Variants in COX11 observed in about 807,000 individuals in gnomAD.
COX11 encodes the protein cytochrome c oxidase assembly protein COX11, mitochondrial.
A neutral mutation model predicts 29.4 loss-of-function variants in COX11; 18 were observed. That is an observed-to-expected ratio of 0.61 (90% confidence interval 0.42 to 0.91). COX11 has a LOEUF of 0.91. COX11 is among the 40% of genes least tolerant of loss of function. The pLI is 0.00. For missense variants in COX11, 312 were observed against 346.0 expected (o/e 0.90, Z 0.78); for synonymous variants, 131 against 124.0 (o/e 1.06, Z -0.38).
At position 54,964,833 on chromosome 17, in the gene COX11, G is replaced by A. The variant is rs1196657186; in HGVS notation, c.386C>T (p.Ser129Leu). The A allele has an allele frequency of 6.2e-7, 1 of 1,612,818 alleles. No individual in the cohort carries two copies. The highest frequency in any genetic ancestry group is 1.3e-5 in the African/African-American group (1 of 74,900). The change falls in exon 2 of 4, where the codon TCA becomes TTA. Residue 129 changes from serine (S) to leucine (L), a missense_variant. Physicochemically the swap from Ser to Leu is moderately radical, Grantham distance 145 (BLOSUM62 -2). This residue lies in a region of COX11 where 182 missense variants were observed against 240.0 expected (regional missense o/e 0.76). Coordinates refer to ENST00000299335, the MANE Select transcript of COX11 (RefSeq NM_004375.5). Reference protein sequence around the residue: ...LYCQTTGLGGSAVAGHASDKI... With the variant: ...LYCQTTGLGGLAVAGHASDKI... ...GTCTGAGGCATGACCTGCAACTGCT[G>A]ATCCTCCAAGTCCAGTAGTCTAGAA...
chr17:54,967,572 C>T (rs2077265027), intron 1 of COX11, among the ~76,000 whole-genome samples: 1 of 152,038 alleles, frequency 6.6e-6, no homozygotes, highest in Non-Finnish European at 1.5e-5. Context: ...GTGCTGGTCC[C>T]ACTCCCCTTC....
exon 1 of COX11, chr17:54,952,106 T>C (rs1259544027): frequency 1.3e-5 from 2 of 152,176 alleles, no homozygotes; most frequent in Non-Finnish European, 2.9e-5. Context: ...GTTGAAATTT[T>C]TCTAATCTGG....
At position 54,960,558 on chromosome 17, in the gene COX11, T is replaced by C; in HGVS notation, c.*2175A>G. The C allele has an allele frequency of 1.2e-6, 2 of 1,612,180 alleles. No homozygotes were observed. Among genetic ancestry groups the C allele is most frequent in the Non-Finnish European group, 1.7e-6 (2 of 1,178,844 alleles). On this transcript the variant is annotated 3_prime_UTR_variant, in exon 4 of 4. Coordinates refer to ENST00000299335, the MANE Select transcript of COX11 (RefSeq NM_004375.5). ...CATAACCCTTTTGCTGTGATGGCTT[T>C]GTTTCAGAGCTATTTATGAAGAAAT...
At chr17:54,966,587 T>C (rs1003484477) in intron 1 of COX11, among the ~76,000 whole-genome samples, 2 of 152,166 alleles carry the variant, frequency 1.3e-5, no homozygotes, top group African/African-American at 4.8e-5. Context: ...CACCTCCATG[T>C]TGTGACAACC....
intron 1 of COX11, 50 bp from the exon 2 acceptor site, chr17:54,964,902 T>A: frequency 6.4e-7 from 1 of 1,550,424 alleles, no homozygotes; most frequent in Non-Finnish European, 8.8e-7. Context: ...GTGTTGATGA[T>A]CTATTTATTT....
chr17:54,964,374 CA>C (rs1383302453), intron 2 of COX11: 2 of 240,474 alleles, frequency 8.3e-6, no homozygotes, highest in African/African-American at 4.7e-5. Flanking sequence ...GAGGAAAAGT[CA>C]GGAAGCTATA....
At chr17:54,958,728 C>G (rs2077021296), downstream of COX11, among the ~76,000 whole-genome samples, 1 of 26,514 alleles carries the variant, frequency 3.8e-5, no homozygotes, top group African/African-American at 1.9e-4. Context: ...GAAACTCCAT[C>G]TCAAAAAAAA....
intron 1 of COX11, among the ~76,000 whole-genome samples, chr17:54,967,996 C>CTT (rs66732337): frequency 0.014 from 1,740 of 124,466 alleles, 101 homozygotes; most frequent in African/African-American, 0.047. Flanking sequence ...GGCTGCGGAC[C>CTT]TTTTTTTTTT....
intron 2 of COX11, chr17:54,964,329 T>A (rs975331371): frequency 4.7e-6 from 1 of 213,634 alleles, no homozygotes. Context: ...TTGTAACCAA[T>A]GCTTTTCCAC....
intron 1 of COX11, among the ~76,000 whole-genome samples, chr17:54,967,042 G>GCGCGCACACACACACA (rs1310473186): frequency 5.3e-4 from 51 of 96,118 alleles, no homozygotes; most frequent in Middle Eastern, 4.7e-3. Flanking sequence ...GCGCGCGCGC[G>GCGCGCACACACACACA]CACACACACA....
At chr17:54,955,440 T>G (rs2049451763), downstream of COX11, among the ~76,000 whole-genome samples, 1 of 152,140 alleles carries the variant, frequency 6.6e-6, no homozygotes, top group Non-Finnish European at 1.5e-5. Context: ...AACTGCCCCC[T>G]TTGAAACTTG....
rs2144131295 is a variant in COX11, at chr17:54,962,549, A to G, written c.*184T>C. The G allele has an allele frequency of 7.6e-7, 1 of 1,318,708 alleles. No homozygotes were observed. Among genetic ancestry groups the G allele is most frequent in the Non-Finnish European group, 9.6e-7 (1 of 1,037,848 alleles). 81.7% of individuals were successfully genotyped at this position (1,318,708 alleles called of 1,614,324 possible). Reference sequence around the variant, plus strand: ...TCAGTCATATATTCTAGCTAGGCATATGAGTTTCTTATGATAAAAGCTGAA... The same window carrying G: ...TCAGTCATATATTCTAGCTAGGCATGTGAGTTTCTTATGATAAAAGCTGAA... On this transcript the variant is annotated 3_prime_UTR_variant, in exon 4 of 4. Coordinates refer to ENST00000299335, the MANE Select transcript of COX11 (RefSeq NM_004375.5).
chr17:54,967,038 G>GCA lies in COX11; in HGVS notation c.366+1242_366+1243insTG, dbSNP rs1465499844. On this transcript the variant is annotated intron_variant, in intron 1 of 3. Transcript: ENST00000299335. Reference sequence around the variant, plus strand: ...AATTTAAATAAATAAACGTGCGCGCGCGCGCACACACACACACACACACAC... The same window carrying GCA: ...AATTTAAATAAATAAACGTGCGCGCGCACGCGCACACACACACACACACACAC... Among the ~76,000 whole-genome samples, 613 of 100,180 alleles carry GCA rather than the reference G, an allele frequency of 6.1e-3. 4 individuals are homozygous for GCA. Among genetic ancestry groups the GCA allele is most frequent in the African/African-American group, 0.019 (558 of 29,434 alleles). The allele number at this position is 100,180 out of a possible 152,430, so 65.7% of individuals were successfully genotyped here.
chr17:54,964,960 A>G, intron 1 of COX11, 108 bp from the exon 2 acceptor site: 1 of 1,048,306 alleles, frequency 9.5e-7, no homozygotes, highest in Non-Finnish European at 1.4e-6. Flanking sequence ...TTTGGAGCCA[A>G]GTTTACATAT....
At chr17:54,953,763 A>G (rs2049351979) in exon 1 of COX11, 1 of 152,184 alleles carries the variant, frequency 6.6e-6, no homozygotes, top group African/African-American at 2.4e-5. Flanking sequence ...TATAGACCTT[A>G]AAGGAGATGT....
downstream of COX11, chr17:54,958,059 A>G (rs944953825): frequency 6.6e-6 from 1 of 152,210 alleles, no homozygotes; most frequent in African/African-American, 2.4e-5. Context: ...AAGTTTGGAA[A>G]TGAGTATTGT....
chr17:54,958,748 A>AAAAGGG (rs372776781), downstream of COX11, among the ~76,000 whole-genome samples: 392 of 118,930 alleles, frequency 3.3e-3, 1 homozygote, highest in South Asian at 0.023. Context: ...AAAAAAAAAA[A>AAAAGGG]GGGGTTGTTG....
chr17:54,957,360 G>T (rs2049567502), downstream of COX11: 1 of 152,176 alleles, frequency 6.6e-6, no homozygotes, highest in Non-Finnish European at 1.5e-5. Flanking sequence ...ATATATCACT[G>T]ATCATATTAG....
chr17:54,959,921 AT>A (rs1229398130), downstream of COX11, among the ~76,000 whole-genome samples: 10 of 152,090 alleles, frequency 6.6e-5, no homozygotes, highest in African/African-American at 1.4e-4. Flanking sequence ...TTGTCCTAAT[AT>A]TTTTTTAAAA....
Sources: allele counts gnomAD v4.1 joint callset (sites outside exome capture counted in the v4.1 genomes callset), GRCh38; gene constraint gnomAD v4.1.1; regional missense constraint gnomAD v4.1.1; transcripts MANE v1.5; gene names NCBI Gene and HGNC (gene_info 2026-07-23, HGNC 2026-07-21).